Variants in ELMO1 observed in about 807,000 individuals in gnomAD.
ELMO1 encodes the protein engulfment and cell motility protein 1.
In ELMO1, 26 loss-of-function variants were observed where a neutral mutation model predicts 98.9. The observed-to-expected ratio is 0.26, with a 90% confidence interval of 0.19 to 0.36. The LOEUF is 0.36. Among genes scored for constraint, ELMO1 ranks in the 10% least tolerant of loss-of-function variants. The pLI is 1.00. For synonymous variants in ELMO1, 346 were observed against 346.0 expected (o/e 1.00, Z 0.00); for missense variants, 627 against 935.2 (o/e 0.67, Z 4.30).
At chr7:37,317,991 G>A (rs2724003) in intron 2 of ELMO1, among the ~76,000 whole-genome samples, 114,738 of 152,120 alleles carry the variant, frequency 0.75, 44,319 homozygotes, top group Non-Finnish European at 0.83. Context: ...AAATGAATGC[G>A]GTTGGAGAGA....
intron 13 of ELMO1, among the ~76,000 whole-genome samples, chr7:37,162,245 C>T (rs1436516501): frequency 6.6e-6 from 1 of 151,996 alleles, no homozygotes; most frequent in African/African-American, 2.4e-5. Flanking sequence ...GAAACTACCA[C>T]ACACATGGTT....
intron 13 of ELMO1, among the ~76,000 whole-genome samples, chr7:37,199,777 C>T (rs1358818502): frequency 6.6e-6 from 1 of 152,166 alleles, no homozygotes; most frequent in East Asian, 1.9e-4. Flanking sequence ...TGTCCTTTCT[C>T]AATGCAGCTG....
intron 2 of ELMO1, among the ~76,000 whole-genome samples, chr7:37,321,013 G>A (rs1799464551): frequency 6.6e-6 from 1 of 152,146 alleles, no homozygotes; most frequent in Non-Finnish European, 1.5e-5. Context: ...GAAGAGCACT[G>A]AACACCAGCT....
intron 5 of ELMO1, among the ~76,000 whole-genome samples, chr7:37,263,994 G>A (rs2717973): frequency 0.32 from 48,327 of 151,806 alleles, 7,733 homozygotes; most frequent in Middle Eastern, 0.42. Context: ...TTTACCAATA[G>A]GACAATGGTG....
intron 13 of ELMO1, among the ~76,000 whole-genome samples, chr7:37,194,732 C>T (rs543578821): frequency 6.6e-6 from 1 of 152,324 alleles, no homozygotes; most frequent in Admixed American, 6.5e-5. Flanking sequence ...GCTCCCTATT[C>T]TTTAAGGTTC....
At chr7:37,330,735 T>C (rs1249967692) in intron 2 of ELMO1, among the ~76,000 whole-genome samples, 1 of 152,250 alleles carries the variant, frequency 6.6e-6, no homozygotes, top group Non-Finnish European at 1.5e-5. Flanking sequence ...GATTCATTCT[T>C]ACCATAGATC....
At chr7:36,928,896 C>G (rs1034577301) in intron 16 of ELMO1, among the ~76,000 whole-genome samples, 1 of 152,208 alleles carries the variant, frequency 6.6e-6, no homozygotes, top group African/African-American at 2.4e-5. Flanking sequence ...ACAGCACGTG[C>G]ACCCACAACA....
In ELMO1 at chr7:36,965,569, TATA is replaced by T. The variant is rs1345126326; in HGVS notation, c.1437+47727_1437+47729del. 3.9e-5 allele frequency among the ~76,000 whole-genome samples: 6 copies of T among 152,260 alleles called. No homozygotes were observed. The East Asian group carries it at 9.7e-4, about 25-fold the overall frequency. On this transcript the variant is annotated intron_variant, in intron 16 of 21. Coordinates refer to ENST00000310758, the MANE Select transcript of ELMO1 (RefSeq NM_014800.11). ...TTTATATGTAGGGTTCTACTCTGTT[TATA>T]ATAAGGATTTGGCAGCTACAATAAA... is the stretch of plus-strand genomic sequence containing the variant.
At chr7:37,117,522 T>C (rs1450837110) in intron 14 of ELMO1, among the ~76,000 whole-genome samples, 1 of 152,198 alleles carries the variant, frequency 6.6e-6, no homozygotes, top group Non-Finnish European at 1.5e-5. Context: ...GCTTGAAGCA[T>C]TCCATTCAAA....
At chr7:37,432,600 A>T (rs532252755) in intron 1 of ELMO1, among the ~76,000 whole-genome samples, 1 of 152,380 alleles carries the variant, frequency 6.6e-6, no homozygotes, top group South Asian at 2.1e-4. Flanking sequence ...GAAAAATAAT[A>T]TGCAATTATA....
intron 16 of ELMO1, among the ~76,000 whole-genome samples, chr7:36,997,637 C>A (rs377556000): frequency 2.0e-5 from 3 of 152,170 alleles, no homozygotes; most frequent in African/African-American, 7.2e-5. Flanking sequence ...TTTGGACATC[C>A]CGAGTTTGAG....
chr7:37,195,108 C>T (rs1003300702), intron 13 of ELMO1, among the ~76,000 whole-genome samples: 2 of 152,130 alleles, frequency 1.3e-5, no homozygotes, highest in South Asian at 4.1e-4. Flanking sequence ...GGAGAGCTCC[C>T]AGCAGGCTCC....
Position 37,018,724 on chromosome 7 carries a change from G to A in ELMO1, c.1301-5289C>T, listed in dbSNP as rs151190075. The stretch of plus-strand genomic sequence containing the variant: ...ACTCCTGACCGCAGGTGATCTGCCC[G>A]CCTTGATCTCGCAAAGTGCTGCGAT... On this transcript the variant is annotated intron_variant, in intron 15 of 21. Coordinates refer to ENST00000310758, the MANE Select transcript of ELMO1 (RefSeq NM_014800.11). Among the ~76,000 whole-genome samples the A allele has an allele frequency of 1.7e-4, 26 of 152,266 alleles. No homozygotes were observed. The East Asian group carries it at 1.9e-3, about 11-fold the overall frequency.
intron 1 of ELMO1, among the ~76,000 whole-genome samples, chr7:37,418,820 C>A (rs1258769296): frequency 2.6e-5 from 4 of 152,166 alleles, no homozygotes; most frequent in African/African-American, 9.7e-5. Flanking sequence ...AGGCAAACTG[C>A]AGCTTCTGCA....
chr7:37,438,847 G>C (rs1397869332), intron 1 of ELMO1, among the ~76,000 whole-genome samples: 1 of 152,182 alleles, frequency 6.6e-6, no homozygotes, highest in East Asian at 1.9e-4. Context: ...CCATTAACAA[G>C]TATGTGCTTA....
Position 36,855,833 on chromosome 7 carries a change from C to G in ELMO1, c.1984-82G>C. On this transcript the variant is annotated intron_variant, in intron 21 of 21. Coordinates refer to ENST00000310758, the MANE Select transcript of ELMO1 (RefSeq NM_014800.11). This position sits in a 1 kb window ranked among gnomAD's most constrained non-coding sequence, Gnocchi z 4.2. ...TAGTAAAAATAGCTAACAGTGAATA[C>G]TCATCCCTCAGTAGGCTGTGCGCTA... is the stretch of plus-strand genomic sequence containing the variant. The G allele has an allele frequency of 6.6e-7, 1 of 1,511,556 alleles. No homozygotes were observed. Among genetic ancestry groups the G allele is most frequent in the Non-Finnish European group, 9.1e-7 (1 of 1,093,964 alleles). 93.6% of individuals were successfully genotyped at this position (1,511,556 alleles called of 1,614,324 possible). A position where few individuals can be genotyped will look rare whatever the true frequency, so the allele number is the denominator to read the frequency against.
At chr7:37,308,566 T>C (rs1312248494) in intron 4 of ELMO1, among the ~76,000 whole-genome samples, 2 of 152,240 alleles carry the variant, frequency 1.3e-5, no homozygotes, top group Admixed American at 6.5e-5. Flanking sequence ...GTGGCACTCA[T>C]TGTCACTGTA....
Position 37,184,040 on chromosome 7 carries a change from G to A in ELMO1, c.1086+27346C>T, listed in dbSNP as rs144544776. 3.7e-3 allele frequency among the ~76,000 whole-genome samples: 561 copies of A among 152,164 alleles called. 4 individuals are homozygous for A. Among genetic ancestry groups the A allele is most frequent in the African/African-American group, 0.013 (524 of 41,512 alleles). Reference sequence around the variant, plus strand: ...AAAACATGGTTTGTTTTTCTCATTGGGGATAGTTATCACAGTCGTTTTGAA... The same window carrying A: ...AAAACATGGTTTGTTTTTCTCATTGAGGATAGTTATCACAGTCGTTTTGAA... On this transcript the variant is annotated intron_variant, in intron 13 of 21. Transcript: ENST00000310758.
At chr7:37,085,838 T>G (rs1486131748) in intron 15 of ELMO1, among the ~76,000 whole-genome samples, 1 of 152,216 alleles carries the variant, frequency 6.6e-6, no homozygotes, top group Non-Finnish European at 1.5e-5. Flanking sequence ...CTGTTATATT[T>G]GTGATTTTGT....
Sources: gnomAD v4.1 joint callset for allele counts (sites outside exome capture counted in the v4.1 genomes callset) on GRCh38, gnomAD v4.1.1 for gene constraint, Gnocchi (gnomAD v3.1) non-coding constraint, MANE v1.5 for transcripts, NCBI Gene and HGNC (gene_info 2026-07-23, HGNC 2026-07-21) for gene names.